SAMD3: variants seen among roughly 807,000 people sequenced by gnomAD.
SAMD3 encodes the protein sterile alpha motif domain-containing protein 3.
In SAMD3, 63 loss-of-function variants were observed where a neutral mutation model predicts 58.5. The observed-to-expected ratio is 1.08, with a 90% CI of 0.88 to 1.33. The LOEUF is 1.33. Among genes scored for constraint, SAMD3 ranks in the 40% most tolerant of loss-of-function variants. The pLI, the probability that SAMD3 is intolerant of heterozygous loss-of-function variation, is 0.00. For synonymous variants in SAMD3, 220 were observed against 210.3 expected, an observed-to-expected ratio of 1.05 and a Z score of -0.40; for missense variants, 604 against 608.4, an observed-to-expected ratio of 0.99 and a Z score of 0.08.
rs771720481 is a variant in SAMD3 at position 130,215,268 on chromosome 6, T to A, written c.6A>T (p.Glu2Asp). The change falls in exon 3 of 12, where the codon GAA becomes GAT. Residue 2 changes from glutamate to aspartate, a missense_variant. By Grantham distance (45) the Glu-to-Asp change is conservative. Coordinates refer to ENST00000439090, the MANE Select transcript of SAMD3 (RefSeq NM_001017373.4). Reference sequence around the variant, plus strand: ...TGCAGACCTGCTCAACTGACCAGGTTTCCATTGCTGTCTCCTGTAAATACA... The same window carrying A: ...TGCAGACCTGCTCAACTGACCAGGTATCCATTGCTGTCTCCTGTAAATACA... M[E>D]TWSVEQVCSW... 1 of 1,608,392 alleles carries A rather than the reference T, an allele frequency of 6.2e-7. No homozygotes were observed. The highest frequency in any genetic ancestry group is 2.2e-5 in the East Asian group (1 of 44,744).
At chr6:130,251,317 C>A (rs145870070) in intron 2 of SAMD3, among the ~76,000 whole-genome samples, 98 of 152,194 alleles carry the variant, frequency 6.4e-4, no homozygotes, top group Non-Finnish European at 1.3e-3. Flanking sequence ...TTTATACATT[C>A]TTGATTCTAT....
intron 7 of SAMD3, among the ~76,000 whole-genome samples, chr6:130,182,192 G>T (rs1168839271): frequency 1.3e-5 from 2 of 152,108 alleles, no homozygotes; most frequent in East Asian, 1.9e-4. Context: ...ATATTGACAT[G>T]ATTGTCAATG....
At chr6:130,284,006 T>A (rs1454250747) in intron 2 of SAMD3, among the ~76,000 whole-genome samples, 2 of 152,142 alleles carry the variant, frequency 1.3e-5, no homozygotes, top group African/African-American at 4.8e-5. Flanking sequence ...GCGTGTGCCA[T>A]CACGCCAGGC....
intron 7 of SAMD3, among the ~76,000 whole-genome samples, chr6:130,180,953 C>CTTTTTTTTTTTTTTTTTTTTTT (rs370213784): frequency 2.6e-5 from 3 of 117,354 alleles, no homozygotes; most frequent in African/African-American, 6.3e-5. Context: ...TTCTTTCTTT[C>CTTTTTTTTTTTTTTTTTTTTTT]TTTTTTCTTT....
chr6:130,276,421 A>G (rs1774777177), intron 2 of SAMD3, among the ~76,000 whole-genome samples: 1 of 152,186 alleles, frequency 6.6e-6, no homozygotes, highest in African/African-American at 2.4e-5. Context: ...TCAGGTTCTA[A>G]TACTTTTCTG....
intron 2 of SAMD3, among the ~76,000 whole-genome samples, chr6:130,269,334 A>G (rs1774474267): frequency 2.0e-5 from 3 of 152,178 alleles, no homozygotes; most frequent in African/African-American, 4.8e-5. Context: ...AAGTGAAACC[A>G]TTTGGGGCTG....
chr6:130,232,295 A>T (rs927737527), intron 2 of SAMD3, among the ~76,000 whole-genome samples: 1 of 152,178 alleles, frequency 6.6e-6, no homozygotes, highest in African/African-American at 2.4e-5. Context: ...CAAGGCCATT[A>T]TAGATTTTTC....
At chr6:130,167,505 A>G (rs1403329431) in intron 8 of SAMD3, among the ~76,000 whole-genome samples, 3 of 152,226 alleles carry the variant, frequency 2.0e-5, no homozygotes, top group Non-Finnish European at 4.4e-5. Context: ...ATGCAGTTCC[A>G]CACAATTCCT....
Position 130,152,619 on chromosome 6 carries a change from G to C in SAMD3, c.1023+2206C>G, listed in dbSNP as rs111331190. Reference sequence around the variant, plus strand: ...TTGAACCTGGGAGGCAGAGGCTGCAGTGAGCCAAGATTGTGCCACTGCACT... The same window carrying C: ...TTGAACCTGGGAGGCAGAGGCTGCACTGAGCCAAGATTGTGCCACTGCACT... On this transcript the variant is annotated intron_variant, in intron 9 of 11. Coordinates refer to ENST00000439090, the MANE Select transcript of SAMD3 (RefSeq NM_001017373.4). Among the ~76,000 whole-genome samples the C allele has an allele frequency of 6.9e-3, 1,058 of 152,284 alleles. 15 individuals carry two copies. The highest frequency in any genetic ancestry group is 0.024 in the African/African-American group (1,015 of 41,542).
At chr6:130,230,781 A>C (rs1054469747) in intron 2 of SAMD3, among the ~76,000 whole-genome samples, 3 of 152,234 alleles carry the variant, frequency 2.0e-5, no homozygotes, top group Non-Finnish European at 4.4e-5. Context: ...AAATTGAATG[A>C]GCAAACATAT....
At chr6:130,175,742 C>A in intron 8 of SAMD3, 99 bp downstream of exon 8, 1 of 798,728 alleles carries the variant, frequency 1.3e-6, no homozygotes, top group Admixed American at 2.7e-5. Flanking sequence ...AAAAAGGTAT[C>A]TTATTTTGTT....
At chr6:130,175,399 G>A (rs979499703) in intron 8 of SAMD3, among the ~76,000 whole-genome samples, 5 of 152,184 alleles carry the variant, frequency 3.3e-5, no homozygotes, top group African/African-American at 1.2e-4. Context: ...GGAAGGGAAG[G>A]CCACAATGGA....
intron 2 of SAMD3, among the ~76,000 whole-genome samples, chr6:130,239,204 A>T (rs1457485443): frequency 6.6e-6 from 1 of 152,190 alleles, no homozygotes; most frequent in African/African-American, 2.4e-5. Flanking sequence ...GCAAATGGAG[A>T]TAAAGCTGCC....
intron 5 of SAMD3, among the ~76,000 whole-genome samples, chr6:130,198,462 G>A (rs1470646101): frequency 6.6e-6 from 1 of 152,104 alleles, no homozygotes; most frequent in Non-Finnish European, 1.5e-5. Flanking sequence ...TCCTGCCTTG[G>A]CCTCCCAAAG....
chr6:130,164,976 A>G (rs1790599162), intron 8 of SAMD3, among the ~76,000 whole-genome samples: 1 of 152,214 alleles, frequency 6.6e-6, no homozygotes, highest in Admixed American at 6.5e-5. Context: ...CAGAGCCCCC[A>G]AAACCATGAG....
At chr6:130,362,402 G>C (rs1188152803) in intron 1 of SAMD3, among the ~76,000 whole-genome samples, 2 of 152,154 alleles carry the variant, frequency 1.3e-5, no homozygotes, top group African/African-American at 4.8e-5. Flanking sequence ...GAACAGGTGG[G>C]CCACCACTAC....
intron 2 of SAMD3, among the ~76,000 whole-genome samples, chr6:130,278,291 T>C (rs528949013): frequency 6.6e-6 from 1 of 152,222 alleles, no homozygotes; most frequent in Admixed American, 6.5e-5. Context: ...ACCTACCAAA[T>C]TATCCTTAAA....
At chr6:130,183,274 T>A in intron 7 of SAMD3, 10 of 413,222 alleles carry the variant, frequency 2.4e-5, no homozygotes, top group Admixed American at 1.2e-4. Context: ...GAGGCGGAGG[T>A]TGCAGTGAGC....
At chr6:130,159,276 C>A (rs1790069625) in intron 8 of SAMD3, among the ~76,000 whole-genome samples, 1 of 152,198 alleles carries the variant, frequency 6.6e-6, no homozygotes, top group Non-Finnish European at 1.5e-5. Context: ...TTGCCATCCA[C>A]AGAAGATGTG....
Sources: gnomAD v4.1 joint callset for allele counts (sites outside exome capture counted in the v4.1 genomes callset) on GRCh38, gnomAD v4.1.1 for gene constraint, MANE v1.5 for transcripts, NCBI Gene and HGNC (gene_info 2026-07-23, HGNC 2026-07-21) for gene names.